The following SBF2 variants were observed in gnomAD, a reference collection of about 807,000 sequenced individuals.
SBF2 encodes myotubularin-related protein 13.
In SBF2, 112 loss-of-function variants were observed where a neutral mutation model predicts 225.2. The observed-to-expected ratio is 0.50, with a 90% CI of 0.43 to 0.58. SBF2 has a LOEUF of 0.58. Among genes scored for constraint, SBF2 ranks in the 20% least tolerant of loss-of-function variants. The probability of loss-of-function intolerance (pLI) is 0.00; values close to 1 mark genes in which losing one functional copy is unlikely to be tolerated. For missense variants in SBF2, 1,996 were observed against 2,206.2 expected (o/e 0.90, Z 1.91); for synonymous variants, 763 against 773.3 (o/e 0.99, Z 0.22).
chr11:10,002,911 T>C (rs1012138416), intron 6 of SBF2, among the ~76,000 whole-genome samples: 3 of 152,222 alleles, frequency 2.0e-5, no homozygotes, highest in African/African-American at 7.2e-5. Context: ...TTGAACATAT[T>C]AGTTGTTTGG....
chr11:9,842,878 A>G (rs955845437), intron 24 of SBF2, 108 bp from the exon 25 acceptor site: 6 of 1,019,650 alleles, frequency 5.9e-6, no homozygotes, highest in Non-Finnish European at 7.4e-6. Context: ...CACAGCCACT[A>G]CTGGTCCAGA....
rs1554925262 is a variant in SBF2, at chr11:9,851,147, A to AC, written c.2611-930_2611-929insG. ...CAAGACTCCATCTCAAAAAAAAAAA[A>AC]AACAACAACAAAAAAAAACCCAGAA... On this transcript the variant is annotated intron_variant, in intron 21 of 39. Transcript: ENST00000256190. 1.7e-3 allele frequency among the ~76,000 whole-genome samples: 254 copies of AC among 147,270 alleles called. 2 individuals carry two copies. Among genetic ancestry groups the AC allele is most frequent in the African/African-American group, 6.0e-3 (242 of 40,498 alleles).
At chr11:9,964,819 A>T (rs997924750) in intron 14 of SBF2, among the ~76,000 whole-genome samples, 1 of 152,234 alleles carries the variant, frequency 6.6e-6, no homozygotes, top group African/African-American at 2.4e-5. Context: ...TAAAATTTAT[A>T]CTTTCACAAA....
intron 16 of SBF2, among the ~76,000 whole-genome samples, chr11:9,921,161 C>T (rs542152830): frequency 4.0e-5 from 6 of 148,484 alleles, no homozygotes; most frequent in African/African-American, 1.5e-4. Context: ...ACTTCCACCT[C>T]TCGGGTTCAA....
chr11:10,227,034 G>A (rs1958596986), intron 1 of SBF2, among the ~76,000 whole-genome samples: 2 of 152,180 alleles, frequency 1.3e-5, no homozygotes, highest in African/African-American at 4.8e-5. Context: ...GTGTGAGATG[G>A]TATTTCATGG....
intron 2 of SBF2, among the ~76,000 whole-genome samples, chr11:10,124,334 C>G (rs184138337): frequency 1.3e-5 from 2 of 152,278 alleles, no homozygotes; most frequent in African/African-American, 4.8e-5. Flanking sequence ...CCTACTTACT[C>G]TATCTGATTA....
intron 9 of SBF2, among the ~76,000 whole-genome samples, chr11:9,994,971 A>AGGTT (rs1947626731): frequency 6.6e-6 from 1 of 151,570 alleles, no homozygotes; most frequent in African/African-American, 2.4e-5. Context: ...TGGGAGGCAG[A>AGGTT]GGTTGCAGTG....
intron 13 of SBF2, among the ~76,000 whole-genome samples, chr11:9,972,452 T>C (rs1293681787): frequency 1.3e-5 from 2 of 152,194 alleles, no homozygotes; most frequent in Admixed American, 1.3e-4. Context: ...ATTTTAGTAA[T>C]TATAGTAGTA....
chr11:10,001,117 T>C lies in SBF2; in HGVS notation c.753-95A>G, dbSNP rs532844743. 12 of 697,406 alleles carry C rather than the reference T, an allele frequency of 1.7e-5. No homozygotes were observed. In the East Asian group the frequency reaches 3.1e-4, roughly 18 times the overall value. The allele number at this position is 697,406 out of a possible 1,614,324, so 43.2% of individuals were successfully genotyped here. ...GCTGTGTTAAGTTTTATATTACCTA[T>C]GTTTAGAAATTATCAATAATGTTTT... On this transcript the variant is annotated intron_variant, in intron 7 of 39. Coordinates refer to ENST00000256190, the MANE Select transcript of SBF2 (RefSeq NM_030962.4).
intron 6 of SBF2, among the ~76,000 whole-genome samples, chr11:10,011,510 C>T (rs555075875): frequency 1.9e-4 from 29 of 152,348 alleles, no homozygotes; most frequent in African/African-American, 5.3e-4. Context: ...TGAGCCACCA[C>T]GCCTGGCCTT....
At chr11:9,814,952 T>C (rs1854375060) in intron 29 of SBF2, among the ~76,000 whole-genome samples, 1 of 152,202 alleles carries the variant, frequency 6.6e-6, no homozygotes, top group Non-Finnish European at 1.5e-5. Flanking sequence ...TTATTGGCTT[T>C]CATGTTTCTT....
At chr11:10,240,839 T>G (rs1433605715) in intron 1 of SBF2, among the ~76,000 whole-genome samples, 1 of 152,212 alleles carries the variant, frequency 6.6e-6, no homozygotes, top group Non-Finnish European at 1.5e-5. Flanking sequence ...AATAAAAGTA[T>G]TAAAGTTCGC....
rs1231025213 is a variant in SBF2, at chr11:10,085,880, G to A, written c.142-42899C>T. Among the ~76,000 whole-genome samples the A allele has an allele frequency of 2.0e-5, 3 of 151,798 alleles. No individual in the cohort carries two copies. The East Asian group carries it at 5.8e-4, about 29-fold the overall frequency. On this transcript the variant is annotated intron_variant, in intron 2 of 39. Transcript: ENST00000256190. ...TTTTTCTTCTATCACCAGTTATACT[G>A]TACACATGGAAGACTCTTTCACAGA...
chr11:10,023,625 T>G (rs1428550749), intron 6 of SBF2, among the ~76,000 whole-genome samples: 2 of 152,240 alleles, frequency 1.3e-5, no homozygotes, highest in Non-Finnish European at 2.9e-5. Context: ...AATCATATAA[T>G]ATACGGTTTT....
intron 15 of SBF2, among the ~76,000 whole-genome samples, chr11:9,962,320 ATAATTATGTGAT>A (rs1866628845): frequency 1.3e-5 from 2 of 152,248 alleles, no homozygotes; most frequent in Non-Finnish European, 1.5e-5. Flanking sequence ...GAAATATAAG[ATAATTATGTGAT>A]AAATTGAAAA....
intron 13 of SBF2, among the ~76,000 whole-genome samples, chr11:9,981,344 T>TG (rs1032199046): frequency 6.6e-6 from 1 of 152,086 alleles, no homozygotes; most frequent in African/African-American, 2.4e-5. Flanking sequence ...AAGTGACTAC[T>TG]GGGTACTCTG....
At chr11:10,159,846 C>T (rs375177975) in intron 2 of SBF2, among the ~76,000 whole-genome samples, 140 of 151,818 alleles carry the variant, frequency 9.2e-4, no homozygotes, top group African/African-American at 3.2e-3. Flanking sequence ...GCTGAGATCA[C>T]GCCACTGCAC....
chr11:9,952,509 C>T (rs746021874), intron 16 of SBF2, among the ~76,000 whole-genome samples: 5 of 152,156 alleles, frequency 3.3e-5, no homozygotes, highest in African/African-American at 4.8e-5. Context: ...TTTCCCGCTG[C>T]TACTTGGGAA....
At chr11:9,798,206 C>T (rs1283309805) in intron 32 of SBF2, among the ~76,000 whole-genome samples, 2 of 152,132 alleles carry the variant, frequency 1.3e-5, no homozygotes, top group Non-Finnish European at 2.9e-5. Flanking sequence ...AAAGAAGGCC[C>T]TGGGTTTGAC....
Sources: allele counts gnomAD v4.1 joint callset (sites outside exome capture counted in the v4.1 genomes callset), GRCh38; gene constraint gnomAD v4.1.1; transcripts MANE v1.5; gene names NCBI Gene and HGNC (gene_info 2026-07-23, HGNC 2026-07-21).